The following DOCK3 variants were observed in gnomAD, a reference collection of about 807,000 sequenced individuals.
The protein encoded by DOCK3 is dedicator of cytokinesis 3.
A neutral mutation model predicts 265.6 loss-of-function variants in DOCK3; 60 were observed. The ratio of observed to expected loss-of-function variants is 0.23; its 90% confidence interval spans 0.18 to 0.28. The LOEUF (loss-of-function observed/expected upper bound fraction) is 0.28. Among genes scored for constraint, DOCK3 ranks in the 10% least tolerant of loss-of-function variants. The pLI is 1.00. For synonymous variants in DOCK3, 881 were observed against 938.0 expected, an observed-to-expected ratio of 0.94 and a Z score of 1.11; for missense variants, 1,981 against 2,594.3, an observed-to-expected ratio of 0.76 and a Z score of 5.14.
intron 9 of DOCK3, among the ~76,000 whole-genome samples, chr3:51,116,610 C>A (rs2083755456): frequency 6.6e-6 from 1 of 151,844 alleles, no homozygotes; most frequent in Admixed American, 6.6e-5. Flanking sequence ...GAATTTTTTC[C>A]ATTTGTTTGT....
intron 5 of DOCK3, among the ~76,000 whole-genome samples, chr3:51,051,200 A>T (rs73833977): frequency 6.6e-6 from 1 of 152,166 alleles, no homozygotes; most frequent in Non-Finnish European, 1.5e-5. Context: ...TTTTAAAGGG[A>T]TATATAAGTA....
At chr3:51,118,082 C>T (rs189185429) in intron 9 of DOCK3, among the ~76,000 whole-genome samples, 2 of 152,232 alleles carry the variant, frequency 1.3e-5, no homozygotes, top group Admixed American at 1.3e-4. Context: ...CCTGTTTTCT[C>T]CTGTGGGCAT....
chr3:50,842,658 G>C (rs547252959), intron 3 of DOCK3, among the ~76,000 whole-genome samples: 1 of 152,076 alleles, frequency 6.6e-6, no homozygotes, highest in Admixed American at 6.6e-5. Context: ...GTCCCTTAGT[G>C]TGACAACAAA....
intron 4 of DOCK3, among the ~76,000 whole-genome samples, chr3:50,902,406 G>A (rs562588683): frequency 9.9e-5 from 15 of 152,134 alleles, no homozygotes; most frequent in South Asian, 2.1e-4. Context: ...ATGGCTAGCC[G>A]GTTCTCCCAG....
intron 38 of DOCK3, among the ~76,000 whole-genome samples, chr3:51,344,489 G>A (rs576620667): frequency 6.6e-6 from 1 of 152,152 alleles, no homozygotes; most frequent in Admixed American, 6.5e-5. Context: ...GTGTGGTGGC[G>A]CATGCCTGTA....
intron 5 of DOCK3, among the ~76,000 whole-genome samples, chr3:51,015,432 A>G (rs2079112657): frequency 6.6e-6 from 1 of 151,720 alleles, no homozygotes; most frequent in African/African-American, 2.4e-5. Context: ...TAGCACATTG[A>G]TTGATTTGCA....
chr3:51,019,884 G>T (rs929298637), intron 5 of DOCK3, among the ~76,000 whole-genome samples: 2 of 151,786 alleles, frequency 1.3e-5, no homozygotes, highest in African/African-American at 4.9e-5. Flanking sequence ...TCATTGATGG[G>T]CATTTAGGTT....
chr3:51,102,889 C>G (rs1032909140), intron 9 of DOCK3, among the ~76,000 whole-genome samples: 2 of 152,138 alleles, frequency 1.3e-5, no homozygotes, highest in African/African-American at 4.8e-5. Flanking sequence ...GATATGGCTG[C>G]TGGTTTCTGA....
chr3:50,775,234 A>G (rs925043952), intron 1 of DOCK3, among the ~76,000 whole-genome samples: 1 of 152,044 alleles, frequency 6.6e-6, no homozygotes, highest in African/African-American at 2.4e-5. Flanking sequence ...TTCACTGATA[A>G]AGTCATCAGG....
At chr3:50,855,596 C>G (rs1042470190) in intron 3 of DOCK3, among the ~76,000 whole-genome samples, 1 of 152,080 alleles carries the variant, frequency 6.6e-6, no homozygotes, top group East Asian at 1.9e-4. Context: ...GATAGGGTCA[C>G]GTAGTAAGTG....
intron 7 of DOCK3, among the ~76,000 whole-genome samples, chr3:51,081,675 C>A (rs2082244665): frequency 6.6e-6 from 1 of 152,022 alleles, no homozygotes; most frequent in Non-Finnish European, 1.5e-5. Context: ...GCAGACAGAT[C>A]ACGAGGTCAG....
chr3:51,090,528 C>G lies in DOCK3; in HGVS notation c.746+144C>G, dbSNP rs1254865215. On this transcript the variant is annotated intron_variant, in intron 9 of 52. Transcript: ENST00000266037. ...ATCTCATTAGCTAGGAGTTTTGGCC[C>G]CAATTCCCTGTGTGCCCTTAAGTCA... 1.0e-5 allele frequency: 9 copies of G among 893,726 alleles called. No homozygotes were observed. The East Asian group carries it at 2.7e-4, about 27-fold the overall frequency. 55.4% of individuals were successfully genotyped at this position (893,726 alleles called of 1,614,324 possible).
At chr3:51,350,859 T>C (rs890680364) in intron 40 of DOCK3, among the ~76,000 whole-genome samples, 2 of 152,194 alleles carry the variant, frequency 1.3e-5, no homozygotes, top group African/African-American at 4.8e-5. Context: ...GATGGAGAAC[T>C]GTTGGTATGA....
At chr3:51,192,844 G>C (rs555184619) in intron 12 of DOCK3, among the ~76,000 whole-genome samples, 16 of 152,150 alleles carry the variant, frequency 1.1e-4, no homozygotes, top group Admixed American at 1.0e-3. Context: ...TCCATCACAG[G>C]GGACTTCACA....
At chr3:51,050,521 T>A (rs1293282037) in intron 5 of DOCK3, among the ~76,000 whole-genome samples, 1 of 152,044 alleles carries the variant, frequency 6.6e-6, no homozygotes, top group Non-Finnish European at 1.5e-5. Flanking sequence ...AAAAGGAGAT[T>A]TAGTCTAGAA....
intron 1 of DOCK3, among the ~76,000 whole-genome samples, chr3:50,687,227 AAG>A (rs1225970112): frequency 6.6e-6 from 1 of 152,138 alleles, no homozygotes; most frequent in East Asian, 1.9e-4. Context: ...GAAAAAAAAA[AAG>A]AAAAAAAAAT....
chr3:51,363,734 G>A (rs2086912381), intron 49 of DOCK3, among the ~76,000 whole-genome samples: 1 of 152,202 alleles, frequency 6.6e-6, no homozygotes. Flanking sequence ...AGAACATGCA[G>A]TGTTTGGTTT....
At chr3:51,012,525 A>G (rs896659652) in intron 5 of DOCK3, among the ~76,000 whole-genome samples, 5 of 152,096 alleles carry the variant, frequency 3.3e-5, no homozygotes, top group East Asian at 3.9e-4. Context: ...GAGTGACCCA[A>G]TTTTCCAGGT....
At chr3:51,068,333 G>T (rs1575955578) in intron 6 of DOCK3, among the ~76,000 whole-genome samples, 1 of 152,126 alleles carries the variant, frequency 6.6e-6, no homozygotes, top group East Asian at 1.9e-4. Context: ...GAGGTCAAGA[G>T]ATCGAGACCA....
Sources: allele counts gnomAD v4.1 joint callset (sites outside exome capture counted in the v4.1 genomes callset), GRCh38; gene constraint gnomAD v4.1.1; transcripts MANE v1.5; gene names NCBI Gene and HGNC (gene_info 2026-07-23, HGNC 2026-07-21).